SLC16A9: variants seen among roughly 807,000 people sequenced by gnomAD.
SLC16A9 encodes monocarboxylate transporter 9.
A neutral mutation model predicts 44.3 loss-of-function variants in SLC16A9; 26 were observed. The observed-to-expected ratio is 0.59, with a 90% CI of 0.43 to 0.81. The LOEUF is 0.81. Ranked by LOEUF, SLC16A9 falls within the 40% of genes least tolerant of loss-of-function variation. SLC16A9 has a pLI of 0.00. For synonymous variants in SLC16A9, 230 were observed against 225.1 expected (o/e 1.02, Z -0.19); for missense variants, 559 against 595.8 (o/e 0.94, Z 0.64).
intron 2 of SLC16A9, among the ~76,000 whole-genome samples, chr10:59,679,698 A>G (rs1192972362): frequency 6.6e-6 from 1 of 152,248 alleles, no homozygotes; most frequent in African/African-American, 2.4e-5. Flanking sequence ...GAACAACTGG[A>G]GAATGTAACC....
At chr10:59,665,279 T>A (rs752573038) in intron 3 of SLC16A9, among the ~76,000 whole-genome samples, 3 of 152,212 alleles carry the variant, frequency 2.0e-5, no homozygotes, top group African/African-American at 4.8e-5. Context: ...AAACAACAAA[T>A]AAGCCATAGT....
intron 1 of SLC16A9, among the ~76,000 whole-genome samples, chr10:59,696,450 G>C (rs974161824): frequency 6.6e-6 from 1 of 152,174 alleles, no homozygotes; most frequent in Non-Finnish European, 1.5e-5. Context: ...ATCTCTGCTC[G>C]CTACAACCTC....
At chr10:59,670,778 T>C (rs1032721862) in intron 3 of SLC16A9, among the ~76,000 whole-genome samples, 1 of 152,144 alleles carries the variant, frequency 6.6e-6, no homozygotes, top group African/African-American at 2.4e-5. Flanking sequence ...CTTCAAATGG[T>C]AACAGAATGA....
chr10:59,651,475 C>T lies in SLC16A9; in HGVS notation c.*1297G>A, dbSNP rs1428839952. The T allele has an allele frequency of 3.9e-5, 6 of 152,136 alleles. No homozygotes were observed. Among genetic ancestry groups the T allele is most frequent in the African/African-American group, 1.4e-4 (6 of 41,418 alleles). 9.4% of individuals were successfully genotyped at this position (152,136 alleles called of 1,614,324 possible). On this transcript the variant is annotated 3_prime_UTR_variant, in exon 6 of 6. Coordinates refer to ENST00000395348, the MANE Select transcript of SLC16A9 (RefSeq NM_194298.3). ...AATCCAGGCTGTGTTATCAGAATCA[C>T]TTGAAGAGCTCAGTAAAATTATAGA...
At chr10:59,657,301 G>A (rs1839370976) in intron 4 of SLC16A9, among the ~76,000 whole-genome samples, 1 of 152,108 alleles carries the variant, frequency 6.6e-6, no homozygotes, top group Non-Finnish European at 1.5e-5. Flanking sequence ...GGCATTTGTG[G>A]ACCAACCCCT....
chr10:59,700,594 A>C (rs998509387), intron 1 of SLC16A9, among the ~76,000 whole-genome samples: 5 of 152,244 alleles, frequency 3.3e-5, no homozygotes, highest in Admixed American at 6.5e-5. Flanking sequence ...CTGGCCATGA[A>C]GCACAGGCAC....
rs544821310 is a variant in SLC16A9, at chr10:59,682,784, T to A, written c.196+1312A>T. On this transcript the variant is annotated intron_variant, in intron 2 of 5. Coordinates refer to ENST00000395348, the MANE Select transcript of SLC16A9 (RefSeq NM_194298.3). ...CATATCAGTTATCATCCACTTGTAC[T>A]TTGGTGGCTTTACAAACAATCCTTA... Among the ~76,000 whole-genome samples, 64 of 144,848 alleles carry A rather than the reference T, an allele frequency of 4.4e-4. 1 individual carries two copies. The South Asian group carries it at 7.8e-3, about 18-fold the overall frequency.
rs1564692675 is a variant in SLC16A9, at chr10:59,652,824, A to G, written c.1478T>C (p.Leu493Pro). ...GAAAGTTGTTGGAGCTGGCTTGGGG[A>G]GTTGCTTGTTGCATGTATCCCAAGA... is the stretch of plus-strand genomic sequence containing the variant. Reference protein sequence around the residue: ...LPSWDTCNKQLPKPAPTTFLY... With the variant: ...LPSWDTCNKQPPKPAPTTFLY... Residue 493 changes from leucine (L) to proline (P), a missense_variant, in exon 6 of 6, where the codon CTC (leucine) becomes CCC (proline). Leu to Pro is a moderately conservative substitution (Grantham distance 98). Transcript: ENST00000395348. 2 of 1,613,918 alleles carry G rather than the reference A, an allele frequency of 1.2e-6. No individual in the cohort carries two copies. The highest frequency in any genetic ancestry group is 8.5e-7 in the Non-Finnish European group (1 of 1,179,918).
intron 1 of SLC16A9, among the ~76,000 whole-genome samples, chr10:59,696,586 C>G (rs1237694436): frequency 5.4e-5 from 8 of 149,454 alleles, no homozygotes; most frequent in Non-Finnish European, 7.4e-5. Context: ...TGTGAGGAGC[C>G]TCTCTGCCTG....
intron 4 of SLC16A9, among the ~76,000 whole-genome samples, chr10:59,662,633 CAAAAAAA>C (rs71006278): frequency 4.6e-5 from 2 of 43,632 alleles, no homozygotes; most frequent in African/African-American, 1.9e-4. Context: ...AACTCCATCT[CAAAAAAA>C]AAAAAAAAAA....
rs752369866 is a variant in SLC16A9, at chr10:59,684,238, G to A, written c.54C>T (p.Val18=). ...AACACAAAAACTGAGTAAGGAAGGAGACAAACACAATCACCCAGCCCCATC... is the reference window on the plus strand; with the variant it reads ...AACACAAAAACTGAGTAAGGAAGGAAACAAACACAATCACCCAGCCCCATC... ...DGGWGWVIVF[V]SFLTQFLCYG... is the part of the protein sequence containing the mutation. The change falls in exon 2 of 6, where the codon GTC becomes GTT. Residue 18 remains valine, a synonymous_variant. Coordinates refer to ENST00000395348, the MANE Select transcript of SLC16A9 (RefSeq NM_194298.3). The A allele has an allele frequency of 2.7e-5, 44 of 1,614,010 alleles. No homozygotes were observed. The South Asian group carries it at 4.3e-4, about 16-fold the overall frequency.
At chr10:59,707,648 T>C (rs1039344792) in intron 1 of SLC16A9, among the ~76,000 whole-genome samples, 4 of 151,928 alleles carry the variant, frequency 2.6e-5, no homozygotes, top group African/African-American at 7.3e-5. Flanking sequence ...ATTATGTTGG[T>C]TGGGCCATTC....
At chr10:59,681,833 G>GTA (rs112234080) in intron 2 of SLC16A9, among the ~76,000 whole-genome samples, 31 of 29,826 alleles carry the variant, frequency 1.0e-3, no homozygotes, top group African/African-American at 3.2e-3. Flanking sequence ...ATATGTATAT[G>GTA]TATATGATGT....
chr10:59,656,001 AT>A (rs1380043802), intron 4 of SLC16A9, among the ~76,000 whole-genome samples: 1 of 152,132 alleles, frequency 6.6e-6, no homozygotes, highest in Non-Finnish European at 1.5e-5. Context: ...CCTTCTTAAC[AT>A]TTTTTAAAGT....
At chr10:59,683,860 G>T (rs540496793) in intron 2 of SLC16A9, among the ~76,000 whole-genome samples, 3 of 152,082 alleles carry the variant, frequency 2.0e-5, no homozygotes, top group Non-Finnish European at 4.4e-5. Context: ...CCGGCACATC[G>T]TAGAAAATAA....
chr10:59,703,264 G>A (rs1231927561), intron 1 of SLC16A9, among the ~76,000 whole-genome samples: 1 of 152,136 alleles, frequency 6.6e-6, no homozygotes, highest in Non-Finnish European at 1.5e-5. Flanking sequence ...TAGGACTACA[G>A]GCAGGTGCCA....
chr10:59,674,393 A>G (rs1839815809), intron 2 of SLC16A9, among the ~76,000 whole-genome samples: 1 of 152,150 alleles, frequency 6.6e-6, no homozygotes, highest in Non-Finnish European at 1.5e-5. Context: ...AGGCTCTCCC[A>G]CATTCCTTCC....
Position 59,653,769 on chromosome 10 carries a change from G to A in SLC16A9, c.1257C>T (p.Thr419=), listed in dbSNP as rs1839273893. The A allele has an allele frequency of 1.2e-6, 2 of 1,613,882 alleles. No homozygotes were observed. The highest frequency in any genetic ancestry group is 1.7e-5 in the Admixed American group (1 of 59,996). ...TGNWSIFPYV[T]TKTVGIEKLA... ...ATTTTTCAATTCCCACAGTCTTCGT[G>A]GTCACATATGGAAAGATGGACCAAT... Residue 419 remains threonine, a synonymous_variant, in exon 5 of 6, where the codon ACC becomes ACT. Transcript: ENST00000395348.
intron 4 of SLC16A9, among the ~76,000 whole-genome samples, chr10:59,657,405 T>C (rs954113733): frequency 3.9e-5 from 6 of 152,196 alleles, no homozygotes; most frequent in African/African-American, 1.4e-4. Flanking sequence ...AGTGTTTTGA[T>C]GCGGGGTTTC....
Sources: allele counts gnomAD v4.1 joint callset (sites outside exome capture counted in the v4.1 genomes callset), GRCh38; gene constraint gnomAD v4.1.1; transcripts MANE v1.5; gene names NCBI Gene and HGNC (gene_info 2026-07-23, HGNC 2026-07-21).